The following EPHB1 variants were observed in gnomAD, a reference collection of about 807,000 sequenced individuals.
EPHB1 encodes the protein EPH receptor B1.
In EPHB1, 30 loss-of-function variants were observed where a neutral mutation model predicts 94.4. The ratio of observed to expected loss-of-function variants is 0.32; its 90% CI spans 0.24 to 0.43. EPHB1 has a LOEUF of 0.43. Ranked by LOEUF, EPHB1 falls within the 20% of genes least tolerant of loss-of-function variation. The probability of loss-of-function intolerance (pLI) is 1.00; values close to 1 mark genes in which losing one functional copy is unlikely to be tolerated. For missense variants in EPHB1, 1,055 were observed against 1,308.3 expected (o/e 0.81, Z 2.99); for synonymous variants, 522 against 489.1 (o/e 1.07, Z -0.89).
intron 3 of EPHB1, among the ~76,000 whole-genome samples, chr3:135,022,870 T>C (rs1291324406): frequency 6.6e-6 from 1 of 152,228 alleles, no homozygotes; most frequent in Non-Finnish European, 1.5e-5. Context: ...GGAGTGTGTT[T>C]TCAAGTATTA....
At chr3:134,996,226 C>T (rs570896483) in intron 3 of EPHB1, among the ~76,000 whole-genome samples, 1 of 152,210 alleles carries the variant, frequency 6.6e-6, no homozygotes, top group East Asian at 1.9e-4. Flanking sequence ...CAGGGTATCA[C>T]TCTGCCACCC....
intron 2 of EPHB1, 39 bp downstream of exon 2, chr3:134,925,919 G>A (rs2038782966): frequency 6.4e-7 from 1 of 1,553,742 alleles, no homozygotes; most frequent in East Asian, 2.3e-5. Flanking sequence ...CCTGCTATGA[G>A]GTCCTGGATC....
At chr3:134,997,424 A>C (rs1935031470) in intron 3 of EPHB1, among the ~76,000 whole-genome samples, 1 of 152,080 alleles carries the variant, frequency 6.6e-6, no homozygotes, top group South Asian at 2.1e-4. Context: ...TTATTACACT[A>C]TGTCTTTCAT....
chr3:135,018,037 G>C (rs1427780058), intron 3 of EPHB1, among the ~76,000 whole-genome samples: 2 of 152,196 alleles, frequency 1.3e-5, no homozygotes, highest in African/African-American at 2.4e-5. Flanking sequence ...GGAGGGCAGA[G>C]GAGGTAGGAG....
At chr3:134,882,476 T>C (rs2037752428) in intron 1 of EPHB1, among the ~76,000 whole-genome samples, 1 of 152,110 alleles carries the variant, frequency 6.6e-6, no homozygotes, top group Non-Finnish European at 1.5e-5. Context: ...TCATTGTATA[T>C]AAAAAAGAAA....
chr3:134,805,881 T>C (rs11720040), intron 1 of EPHB1, among the ~76,000 whole-genome samples: 7,374 of 152,226 alleles, frequency 0.048, 241 homozygotes, highest in Middle Eastern at 0.092. Context: ...CTTCCCTCTA[T>C]GGGATCACAT....
chr3:134,966,004 G>A lies in EPHB1; in HGVS notation c.805+13952G>A, dbSNP rs72973570. 9.2e-3 allele frequency among the ~76,000 whole-genome samples: 1,401 copies of A among 152,244 alleles called. 14 individuals carry two copies. The highest frequency in any genetic ancestry group is 0.031 in the African/African-American group (1,274 of 41,526). ...CTTCCCTGCCTGTAGCTGTGCACTG[G>A]CCCTTCCTTTCAGGCCACAAAGAGC... On this transcript the variant is annotated intron_variant, in intron 3 of 15. Transcript: ENST00000398015.
intron 12 of EPHB1, among the ~76,000 whole-genome samples, chr3:135,222,831 C>T (rs1201932112): frequency 6.6e-6 from 1 of 152,186 alleles, no homozygotes; most frequent in Non-Finnish European, 1.5e-5. Context: ...AACCAATACA[C>T]TGGGTACAAA....
chr3:134,934,732 A>G (rs2038969863), intron 2 of EPHB1, among the ~76,000 whole-genome samples: 1 of 151,982 alleles, frequency 6.6e-6, no homozygotes, highest in African/African-American at 2.4e-5. Context: ...AGAGAGAGAG[A>G]GAAGCTTTCC....
rs187728484 is a variant in EPHB1, at chr3:134,968,954, C to G, written c.805+16902C>G. Among the ~76,000 whole-genome samples, 4 of 152,298 alleles carry G rather than the reference C, an allele frequency of 2.6e-5. No individual in the cohort carries two copies. In the East Asian group the frequency reaches 7.7e-4, roughly 29 times the overall value. ...ATGTACCATAATTTGTGTATCCATT[C>G]GCTTGTTGAGGAGAGTGTGGATTGT... On this transcript the variant is annotated intron_variant, in intron 3 of 15. Transcript: ENST00000398015.
At chr3:135,092,691 T>C (rs1009992000) in intron 3 of EPHB1, among the ~76,000 whole-genome samples, 25 of 140,128 alleles carry the variant, frequency 1.8e-4, no homozygotes, top group African/African-American at 5.7e-4. Context: ...AGTGGCACAA[T>C]CTCGGCTCAC....
At chr3:135,000,693 G>C (rs1935144542) in intron 3 of EPHB1, among the ~76,000 whole-genome samples, 1 of 152,152 alleles carries the variant, frequency 6.6e-6, no homozygotes. Flanking sequence ...GTGCAATTGT[G>C]TGCAGTTGGC....
chr3:135,105,328 T>A (rs1308237488), intron 3 of EPHB1, among the ~76,000 whole-genome samples: 1 of 152,184 alleles, frequency 6.6e-6, no homozygotes. Flanking sequence ...GAACAGTAAA[T>A]GTTTGTTGAA....
intron 9 of EPHB1, among the ~76,000 whole-genome samples, chr3:135,171,446 G>A (rs1208666197): frequency 6.6e-6 from 1 of 152,114 alleles, no homozygotes; most frequent in African/African-American, 2.4e-5. Flanking sequence ...TGACTCAGGT[G>A]CAAGCATAGG....
chr3:134,967,699 TA>T (rs1933815552), intron 3 of EPHB1, among the ~76,000 whole-genome samples: 1 of 152,172 alleles, frequency 6.6e-6, no homozygotes, highest in South Asian at 2.1e-4. Flanking sequence ...CTGTAAGAAA[TA>T]AATTGCTTTT....
At chr3:134,936,997 G>A (rs1029167009) in intron 2 of EPHB1, among the ~76,000 whole-genome samples, 1 of 152,212 alleles carries the variant, frequency 6.6e-6, no homozygotes, top group Non-Finnish European at 1.5e-5. Context: ...GGTGCCAGTT[G>A]AAGGTAATGG....
At chr3:134,952,156 A>G (rs1269264261) in intron 3 of EPHB1, 104 bp downstream of exon 3, 4 of 1,227,588 alleles carry the variant, frequency 3.3e-6, no homozygotes, top group Non-Finnish European at 4.6e-6. Flanking sequence ...AAATAGTCTA[A>G]TGGCTTATTA....
intron 1 of EPHB1, among the ~76,000 whole-genome samples, chr3:134,843,559 G>C (rs2036814884): frequency 1.3e-5 from 2 of 152,008 alleles, no homozygotes; most frequent in South Asian, 4.1e-4. Context: ...CTGAGGTTCT[G>C]TTGCCTTTTA....
chr3:135,118,138 AC>A (rs1465132835), intron 4 of EPHB1, among the ~76,000 whole-genome samples: 20 of 152,076 alleles, frequency 1.3e-4, no homozygotes, highest in Admixed American at 2.0e-4. Context: ...TTGCGCCCAC[AC>A]CCGGGGACAG....
Sources: allele counts gnomAD v4.1 joint callset (sites outside exome capture counted in the v4.1 genomes callset), GRCh38; gene constraint gnomAD v4.1.1; transcripts MANE v1.5; gene names NCBI Gene and HGNC (gene_info 2026-07-23, HGNC 2026-07-21).